CEP89: variants seen among roughly 807,000 people sequenced by gnomAD.
The protein encoded by CEP89 is centrosomal protein of 89 kDa.
A neutral mutation model predicts 97.6 loss-of-function variants in CEP89; 95 were observed. The ratio of observed to expected loss-of-function variants is 0.97; its 90% CI spans 0.82 to 1.15. The LOEUF is 1.15. Ranked by LOEUF, CEP89 falls within the 50% of genes most tolerant of loss-of-function variation. The pLI is 0.00. For synonymous variants in CEP89, 354 were observed against 349.1 expected (o/e 1.01, Z -0.16); for missense variants, 869 against 947.7 (o/e 0.92, Z 1.09).
intron 17 of CEP89, among the ~76,000 whole-genome samples, chr19:32,884,284 T>C (rs1473232368): frequency 6.6e-6 from 1 of 152,222 alleles, no homozygotes; most frequent in Non-Finnish European, 1.5e-5. Context: ...GAAATCTGGG[T>C]TATCTCTACC....
intron 16 of CEP89, among the ~76,000 whole-genome samples, chr19:32,892,012 T>C (rs182711301): frequency 6.6e-5 from 10 of 151,016 alleles, no homozygotes; most frequent in Admixed American, 6.6e-4. Flanking sequence ...AATCCAGATA[T>C]AGGAAGCTCA....
chr19:32,919,233 CACAA>C (rs1442874969), intron 12 of CEP89, among the ~76,000 whole-genome samples: 5 of 152,108 alleles, frequency 3.3e-5, no homozygotes, highest in African/African-American at 1.2e-4. Context: ...TTCCTCTCAG[CACAA>C]ACAAATCCTC....
chr19:32,960,793 G>C (rs1023604660), intron 2 of CEP89, among the ~76,000 whole-genome samples: 2 of 148,282 alleles, frequency 1.3e-5, no homozygotes, highest in African/African-American at 5.0e-5. Context: ...CTGGGCAACA[G>C]AGCAAGTCTC....
intron 1 of CEP89, chr19:32,971,438 G>A: frequency 2.2e-6 from 1 of 457,324 alleles, no homozygotes. Flanking sequence ...CAACACTTTA[G>A]GAGGCTAAGG....
intron 14 of CEP89, among the ~76,000 whole-genome samples, chr19:32,909,761 G>A (rs115800262): frequency 6.0e-4 from 92 of 152,262 alleles, no homozygotes; most frequent in African/African-American, 2.1e-3. Flanking sequence ...ACTAGAAGTG[G>A]AGGACCCATC....
At chr19:32,938,261 G>A (rs1238592374) in intron 6 of CEP89, among the ~76,000 whole-genome samples, 2 of 152,164 alleles carry the variant, frequency 1.3e-5, no homozygotes, top group African/African-American at 4.8e-5. Flanking sequence ...CCCGTGAGTA[G>A]CGGGCTGTGG....
intron 3 of CEP89, 46 bp downstream of exon 3, chr19:32,959,854 C>T: frequency 6.2e-7 from 1 of 1,608,568 alleles, no homozygotes; most frequent in Non-Finnish European, 8.5e-7. Context: ...TGAGCCTGCC[C>T]CTCTTCCACT....
At chr19:32,903,605 C>A (rs1436390769) in intron 14 of CEP89, among the ~76,000 whole-genome samples, 1 of 152,128 alleles carries the variant, frequency 6.6e-6, no homozygotes, top group African/African-American at 2.4e-5. Flanking sequence ...ATGGGACTAA[C>A]AGCAGATTAG....
At chr19:32,942,727 T>C (rs549717329) in intron 5 of CEP89, among the ~76,000 whole-genome samples, 171 of 152,248 alleles carry the variant, frequency 1.1e-3, no homozygotes, top group Non-Finnish European at 1.5e-3. Context: ...TCCAGAGTCC[T>C]CACCCTCCTC....
At chr19:32,892,162 A>G (rs1969535124) in intron 16 of CEP89, among the ~76,000 whole-genome samples, 2 of 145,394 alleles carry the variant, frequency 1.4e-5, no homozygotes, top group Admixed American at 7.0e-5. Context: ...ATTTAGACAT[A>G]CATATATTTA....
chr19:32,933,531 T>C lies in CEP89; in HGVS notation c.806A>G (p.Lys269Arg). 1 of 1,614,112 alleles carries C rather than the reference T, an allele frequency of 6.2e-7. No individual in the cohort carries two copies. Among genetic ancestry groups the C allele is most frequent in the Non-Finnish European group, 8.5e-7 (1 of 1,179,942 alleles). ...LELNTMKQAM[K>R]ELQLKLKGME... ...TCCCTTAAGTTTTAACTGTAGTTCT[T>C]TCATTGCTTGTTTCATTGTGTTTAG... The change falls in exon 8 of 19, where the codon AAA (lysine) becomes AGA (arginine). Residue 269 changes from lysine to arginine, a missense_variant. Physicochemically the swap from Lys to Arg is conservative, Grantham distance 26 (BLOSUM62 2). Transcript: ENST00000305768.
intron 6 of CEP89, 49 bp downstream of exon 6, chr19:32,939,808 A>T: frequency 1.1e-6 from 1 of 876,124 alleles, no homozygotes; most frequent in South Asian, 1.6e-5. Flanking sequence ...AAATTATGAT[A>T]AAAACTCTAT....
chr19:32,931,969 G>C (rs1193707791), intron 8 of CEP89, among the ~76,000 whole-genome samples: 2 of 152,158 alleles, frequency 1.3e-5, no homozygotes, highest in Middle Eastern at 3.4e-3. Flanking sequence ...ATCACGAGGT[G>C]AGGAGATCGA....
rs201321869 is a variant in CEP89 at position 32,966,390 on chromosome 19, C to A, written c.116G>T (p.Arg39Leu). Residue 39 changes from arginine to leucine, a missense_variant, in exon 2 of 19, where the codon CGC becomes CTC. Physicochemically the swap from Arg to Leu is moderately radical, Grantham distance 102 (BLOSUM62 -2). Coordinates refer to ENST00000305768, the MANE Select transcript of CEP89 (RefSeq NM_032816.5). The part of the protein sequence containing the change: ...KAAVPRTPPP[R>L]SPNPSPERPR... ...TCTCTCTGGAGATGGGTTGGGGCTG[C>A]GGGGAGGAGGTGTGCGTGGCACAGC... The A allele has an allele frequency of 1.3e-6, 2 of 1,555,750 alleles. No individual in the cohort carries two copies. The highest frequency in any genetic ancestry group is 2.4e-5 in the South Asian group (2 of 83,164).
At chr19:32,959,800 T>G in intron 3 of CEP89, 100 bp downstream of exon 3, 1 of 1,320,110 alleles carries the variant, frequency 7.6e-7, no homozygotes, top group South Asian at 1.4e-5. Context: ...CAGGTACACA[T>G]GCACACACAT....
chr19:32,948,212 C>T lies in CEP89; in HGVS notation c.595+54G>A, dbSNP rs1970835895. On this transcript the variant is annotated intron_variant, in intron 5 of 18. Coordinates refer to ENST00000305768, the MANE Select transcript of CEP89 (RefSeq NM_032816.5). ...TGTTTTCCTAAAAATAAGCAATATT[C>T]ATTATGAAAAAATGTTCTTATATTT... The T allele has an allele frequency of 1.3e-5, 13 of 1,016,680 alleles. 1 individual carries two copies. In the South Asian group the frequency reaches 2.0e-4, roughly 16 times the overall value. 63.0% of individuals were successfully genotyped at this position (1,016,680 alleles called of 1,614,324 possible).
intron 15 of CEP89, among the ~76,000 whole-genome samples, chr19:32,900,645 CA>C (rs1969746667): frequency 6.6e-6 from 1 of 152,036 alleles, no homozygotes; most frequent in African/African-American, 2.4e-5. Flanking sequence ...CCAGAAATTC[CA>C]AAGTAGACTT....
At chr19:32,918,149 G>T in intron 13 of CEP89, 75 bp downstream of exon 13, 1 of 1,230,722 alleles carries the variant, frequency 8.1e-7, no homozygotes, top group Non-Finnish European at 1.2e-6. Flanking sequence ...GGGGCCCCCG[G>T]CAGGAGAGAG....
chr19:32,966,389 G>A lies in CEP89; in HGVS notation c.117C>T (p.Arg39=), dbSNP rs765720971. 10 of 1,558,448 alleles carry A rather than the reference G, an allele frequency of 6.4e-6. 1 individual carries two copies. The Admixed American group carries it at 1.8e-4, about 29-fold the overall frequency. The change falls in exon 2 of 19, where the codon CGC becomes CGT. Residue 39 remains arginine, a synonymous_variant. Transcript: ENST00000305768. ...GTCTCTCTGGAGATGGGTTGGGGCTGCGGGGAGGAGGTGTGCGTGGCACAG... is the reference window on the plus strand; with the variant it reads ...GTCTCTCTGGAGATGGGTTGGGGCTACGGGGAGGAGGTGTGCGTGGCACAG... ...KAAVPRTPPP[R]SPNPSPERPR...
Sources: allele counts gnomAD v4.1 joint callset (sites outside exome capture counted in the v4.1 genomes callset), GRCh38; gene constraint gnomAD v4.1.1; transcripts MANE v1.5; gene names NCBI Gene and HGNC (gene_info 2026-07-23, HGNC 2026-07-21).